Variants in CEMIP2 observed in about 807,000 individuals in gnomAD.
The protein encoded by CEMIP2 is cell migration inducing hyaluronidase 2.
CEMIP2 carries 79 observed loss-of-function variants against 146.9 expected under a neutral mutation model. The observed-to-expected ratio is 0.54, with a 90% CI of 0.45 to 0.65. The LOEUF (loss-of-function observed/expected upper bound fraction) is 0.65. Among genes scored for constraint, CEMIP2 ranks in the 30% least tolerant of loss-of-function variants. The pLI, the probability that CEMIP2 is intolerant of heterozygous loss-of-function variation, is 0.00. For synonymous variants in CEMIP2, 601 were observed against 606.3 expected (o/e 0.99, Z 0.13); for missense variants, 1,596 against 1,696.2 (o/e 0.94, Z 1.04).
chr9:71,695,895 C>T (rs1018812559), intron 20 of CEMIP2, among the ~76,000 whole-genome samples: 1 of 151,938 alleles, frequency 6.6e-6, no homozygotes, highest in Non-Finnish European at 1.5e-5. Flanking sequence ...GTGGGAGGAT[C>T]GCTTGAGCCC....
chr9:71,731,592 A>C (rs72737976), intron 7 of CEMIP2, among the ~76,000 whole-genome samples: 1 of 152,030 alleles, frequency 6.6e-6, no homozygotes, highest in African/African-American at 2.4e-5. Flanking sequence ...TTAGCCAGGC[A>C]CTGTGGTGTA....
chr9:71,732,224 C>T, intron 7 of CEMIP2, 127 bp downstream of exon 7: 1 of 990,486 alleles, frequency 1.0e-6, no homozygotes, highest in East Asian at 2.6e-5. Flanking sequence ...TCCTCATTGT[C>T]ATTTGAGAAA....
At chr9:71,759,718 A>C (rs951962914) in intron 1 of CEMIP2, among the ~76,000 whole-genome samples, 2 of 151,746 alleles carry the variant, frequency 1.3e-5, no homozygotes, top group Non-Finnish European at 2.9e-5. Context: ...TTTATCTTGA[A>C]TAGGGCTGTT....
At position 71,717,996 on chromosome 9, in the gene CEMIP2, T is replaced by C; in HGVS notation, c.2351A>G (p.Asp784Gly). 1.2e-6 allele frequency: 2 copies of C among 1,613,114 alleles called. No individual in the cohort carries two copies. The highest frequency in any genetic ancestry group is 1.7e-6 in the Non-Finnish European group (2 of 1,179,484). Residue 784 changes from aspartate to glycine, a missense_variant, in exon 13 of 24, where the codon GAT becomes GGT. Coordinates refer to ENST00000377044, the MANE Select transcript of CEMIP2 (RefSeq NM_013390.3). Reference sequence around the variant, plus strand: ...TCCTCCTCTGACCCAAGCTCCATTATCATTATTTTTAAAAGCAATGAGCCT... The same window carrying C: ...TCCTCCTCTGACCCAAGCTCCATTACCATTATTTTTAAAAGCAATGAGCCT... ...IDRLIAFKNN[D>G]NGAWVRGGDI...
chr9:71,689,882 C>T (rs965818298), intron 22 of CEMIP2, among the ~76,000 whole-genome samples: 2 of 152,142 alleles, frequency 1.3e-5, no homozygotes, highest in Admixed American at 6.5e-5. Flanking sequence ...TTGCAACATC[C>T]AAGTTCTGCC....
chr9:71,710,328 C>T (rs954318285), intron 16 of CEMIP2, among the ~76,000 whole-genome samples: 2 of 152,170 alleles, frequency 1.3e-5, no homozygotes, highest in African/African-American at 4.8e-5. Flanking sequence ...CTTTTATGCA[C>T]TTTTTGCCCT....
intron 1 of CEMIP2, among the ~76,000 whole-genome samples, chr9:71,756,977 C>T (rs62544881): frequency 0.069 from 10,456 of 152,262 alleles, 512 homozygotes; most frequent in South Asian, 0.19. Flanking sequence ...AAAGCGGCAG[C>T]AGTTCAAAAC....
Position 71,685,395 on chromosome 9 carries a change from T to TAAA in CEMIP2, c.3956-5_3956-3dup, listed in dbSNP as rs36080695. On this transcript the variant is annotated splice_region_variant and splice_polypyrimidine_tract_variant and intron_variant, in intron 23 of 23. Coordinates refer to ENST00000377044, the MANE Select transcript of CEMIP2 (RefSeq NM_013390.3). ...TGAATCCCAAAAATATGGTACTCCC[T>TAAA]AAAAAAAAAAAAAAAAAAGAAAAAG... The TAAA allele has an allele frequency of 0.037, 42,814 of 1,155,670 alleles. 88 individuals carry two copies. Among genetic ancestry groups the TAAA allele is most frequent in the African/African-American group, 0.065 (3,300 of 50,578 alleles). The allele number at this position is 1,155,670 out of a possible 1,614,324, so 71.6% of individuals were successfully genotyped here.
At chr9:71,700,850 T>C in intron 18 of CEMIP2, 26 bp from the exon 19 acceptor site, 1 of 1,584,498 alleles carries the variant, frequency 6.3e-7, no homozygotes, top group South Asian at 1.2e-5. Context: ...ATAAAAAAAT[T>C]AGTTTACACT....
At chr9:71,697,962 G>T in intron 20 of CEMIP2, 23 bp downstream of exon 20, 1 of 1,605,322 alleles carries the variant, frequency 6.2e-7, no homozygotes, top group South Asian at 1.1e-5. Context: ...CTTGGCCACA[G>T]ACCACTTTTC....
intron 15 of CEMIP2, 72 bp downstream of exon 15, chr9:71,714,862 A>G: frequency 6.6e-7 from 1 of 1,525,734 alleles, no homozygotes; most frequent in Non-Finnish European, 8.8e-7. Flanking sequence ...GGATTATCAC[A>G]GAAACTTCCC....
chr9:71,769,451 C>A (rs527510327), upstream of CEMIP2, among the ~76,000 whole-genome samples: 1 of 152,250 alleles, frequency 6.6e-6, no homozygotes, highest in Non-Finnish European at 1.5e-5. Flanking sequence ...CTCTTCTGGT[C>A]CCTTGGAGCA....
chr9:71,729,296 T>G (rs183419196), intron 10 of CEMIP2, among the ~76,000 whole-genome samples: 47 of 152,162 alleles, frequency 3.1e-4, no homozygotes, highest in African/African-American at 1.1e-3. Context: ...TTTTCCCCCT[T>G]TGGCATCTCT....
Position 71,685,786 on chromosome 9 carries a change from T to C in CEMIP2, c.3912A>G (p.Leu1304=), listed in dbSNP as rs760658844. Residue 1304 remains leucine, a synonymous_variant, in exon 23 of 24, where the codon CTA becomes CTG. Transcript: ENST00000377044. ...EIKQLNISHL[L]VPLGLAKPAH... is the part of the protein sequence containing the mutation. The stretch of plus-strand genomic sequence containing the variant: ...CTGGTTTGGCTAATCCCAGAGGTAC[T>C]AGTAAGTGTGAAATGTTTAACTGCT... 1.2e-6 allele frequency: 2 copies of C among 1,614,072 alleles called. No homozygotes were observed. Among genetic ancestry groups the C allele is most frequent in the East Asian group, 2.2e-5 (1 of 44,870 alleles).
chr9:71,759,291 T>TC (rs879773523), intron 1 of CEMIP2, among the ~76,000 whole-genome samples: 24 of 151,994 alleles, frequency 1.6e-4, no homozygotes, highest in South Asian at 1.5e-3. Context: ...ATCACTCAGA[T>TC]TATCTCCTTC....
intron 1 of CEMIP2, among the ~76,000 whole-genome samples, chr9:71,758,158 A>C (rs1331191843): frequency 6.6e-6 from 1 of 152,210 alleles, no homozygotes; most frequent in Non-Finnish European, 1.5e-5. Context: ...ACATACAGCT[A>C]TTTATGAGAA....
chr9:71,753,381 T>C (rs1824317868), intron 1 of CEMIP2, among the ~76,000 whole-genome samples: 1 of 152,192 alleles, frequency 6.6e-6, no homozygotes, highest in Admixed American at 6.5e-5. Flanking sequence ...CTGGGAATAA[T>C]TTGTGTCTTC....
chr9:71,712,329 T>C, intron 15 of CEMIP2, 69 bp from the exon 16 acceptor site: 1 of 1,476,202 alleles, frequency 6.8e-7, no homozygotes, highest in Non-Finnish European at 9.3e-7. Context: ...CTTACTTGTT[T>C]TATGAAGACA....
intron 22 of CEMIP2, chr9:71,687,495 T>TGTGTGTGTGTGC (rs1554679320): frequency 6.6e-6 from 1 of 150,654 alleles, no homozygotes. Flanking sequence ...TGTGTGTGTG[T>TGTGTGTGTGTGC]ACACATACAA....
Sources: allele counts gnomAD v4.1 joint callset (sites outside exome capture counted in the v4.1 genomes callset), GRCh38; gene constraint gnomAD v4.1.1; transcripts MANE v1.5; gene names NCBI Gene and HGNC (gene_info 2026-07-23, HGNC 2026-07-21).